MCC: variants seen among roughly 807,000 people sequenced by gnomAD.
MCC encodes colorectal mutant cancer protein.
A neutral mutation model predicts 116.2 loss-of-function variants in MCC; 90 were observed. That is an observed-to-expected ratio of 0.77 (90% confidence interval 0.65 to 0.92). The LOEUF is 0.92. Ranked by LOEUF, MCC falls within the 40% of genes least tolerant of loss-of-function variation. The pLI is 0.00. For missense variants in MCC, 1,516 were observed against 1,312.2 expected (o/e 1.16, Z -2.40); for synonymous variants, 578 against 510.5 (o/e 1.13, Z -1.78).
rs1750606280 is a variant in MCC at position 113,027,184 on chromosome 5, G to A, written c.*118C>T. The A allele has an allele frequency of 1.5e-5, 16 of 1,082,614 alleles. No homozygotes were observed. The highest frequency in any genetic ancestry group is 3.2e-5 in the South Asian group (2 of 62,620). 67.1% of individuals were successfully genotyped at this position (1,082,614 alleles called of 1,614,324 possible). Reference sequence around the variant, plus strand: ...TGGGGCACTCCATTGTCCAAGTGCCGACCTACCTGCCAGCCTTCCCTTTCC... The same window carrying A: ...TGGGGCACTCCATTGTCCAAGTGCCAACCTACCTGCCAGCCTTCCCTTTCC... On this transcript the variant is annotated 3_prime_UTR_variant, in exon 19 of 19. Coordinates refer to ENST00000408903, the MANE Select transcript of MCC (RefSeq NM_001085377.2).
At chr5:113,329,654 A>G (rs1206545201) in intron 3 of MCC, among the ~76,000 whole-genome samples, 2 of 152,148 alleles carry the variant, frequency 1.3e-5, no homozygotes, top group Non-Finnish European at 2.9e-5. Context: ...TAATAGATAC[A>G]ATTCTTTATT....
intron 8 of MCC, among the ~76,000 whole-genome samples, chr5:113,091,127 C>T (rs1420592871): frequency 2.0e-5 from 3 of 152,352 alleles, no homozygotes; most frequent in Non-Finnish European, 4.4e-5. Context: ...AATCCTGAGG[C>T]TGTGCAGCGG....
At chr5:113,415,262 G>A (rs540070700) in intron 1 of MCC, among the ~76,000 whole-genome samples, 55 of 152,130 alleles carry the variant, frequency 3.6e-4, no homozygotes, top group African/African-American at 1.2e-3. Context: ...TGCTTTTCTC[G>A]AGGAGTATCT....
intron 1 of MCC, among the ~76,000 whole-genome samples, chr5:113,389,215 A>G (rs1443543806): frequency 6.6e-6 from 1 of 152,182 alleles, no homozygotes; most frequent in Non-Finnish European, 1.5e-5. Flanking sequence ...GGGTATTTCC[A>G]TACGCCACCT....
intron 4 of MCC, among the ~76,000 whole-genome samples, chr5:113,150,892 T>C (rs1759820157): frequency 6.6e-6 from 1 of 152,064 alleles, no homozygotes; most frequent in South Asian, 2.1e-4. Flanking sequence ...CGAAACCCCA[T>C]CTCTACAGAA....
At chr5:113,145,769 CACACACACACACACAA>C (rs764239081) in intron 4 of MCC, among the ~76,000 whole-genome samples, 11,269 of 50,998 alleles carry the variant, frequency 0.22, 604 homozygotes, top group Middle Eastern at 0.29. Context: ...CACACACACA[CACACACACACACACAA>C]ACACACACAC....
intron 3 of MCC, among the ~76,000 whole-genome samples, chr5:113,154,699 T>C (rs1760075635): frequency 6.6e-6 from 1 of 152,200 alleles, no homozygotes; most frequent in South Asian, 2.1e-4. Flanking sequence ...ATTTGTGTAG[T>C]TGTGTGTTGG....
chr5:113,054,377 C>T (rs1056178001), intron 14 of MCC, among the ~76,000 whole-genome samples: 2 of 152,064 alleles, frequency 1.3e-5, no homozygotes. Context: ...ATTTTGAGGA[C>T]ATAGGTTAAA....
At chr5:113,371,804 G>T (rs1264248628) in intron 2 of MCC, among the ~76,000 whole-genome samples, 1 of 152,164 alleles carries the variant, frequency 6.6e-6, no homozygotes, top group Non-Finnish European at 1.5e-5. Flanking sequence ...GATAAAACAG[G>T]AAGCAAAATA....
chr5:113,380,466 CCT>C (rs1218039680), intron 2 of MCC, among the ~76,000 whole-genome samples: 1 of 152,130 alleles, frequency 6.6e-6, no homozygotes, highest in Non-Finnish European at 1.5e-5. Context: ...ACTGCACTTC[CCT>C]GTGTCCCTAA....
At chr5:113,049,349 AG>A in intron 15 of MCC, 50 bp from the exon 16 acceptor site, 2 of 1,454,652 alleles carry the variant, frequency 1.4e-6, no homozygotes, top group African/African-American at 1.4e-5. Context: ...ATCTGAGAGC[AG>A]GCCTGGCTGC....
chr5:113,360,377 A>T (rs1358590666), intron 2 of MCC, among the ~76,000 whole-genome samples: 1 of 152,176 alleles, frequency 6.6e-6, no homozygotes, highest in African/African-American at 2.4e-5. Flanking sequence ...TTGTTTATAT[A>T]TTACTGATTT....
At chr5:113,201,034 A>C (rs1245594981) in intron 3 of MCC, among the ~76,000 whole-genome samples, 1 of 152,172 alleles carries the variant, frequency 6.6e-6, no homozygotes, top group Non-Finnish European at 1.5e-5. Flanking sequence ...GGAACCCCTT[A>C]CACAGGGGGA....
At chr5:113,191,482 G>A (rs1762148089) in intron 3 of MCC, among the ~76,000 whole-genome samples, 4 of 152,202 alleles carry the variant, frequency 2.6e-5, no homozygotes, top group Admixed American at 1.3e-4. Flanking sequence ...GCACCTAGAA[G>A]CCTTCCTGCT....
At chr5:113,399,224 G>C (rs1426692921) in intron 1 of MCC, among the ~76,000 whole-genome samples, 1 of 152,180 alleles carries the variant, frequency 6.6e-6, no homozygotes, top group Non-Finnish European at 1.5e-5. Flanking sequence ...GGTGGCTCAC[G>C]CCTGTAATCC....
chr5:113,246,675 CTCA>C (rs1764589879), intron 3 of MCC, among the ~76,000 whole-genome samples: 1 of 152,206 alleles, frequency 6.6e-6, no homozygotes, highest in African/African-American at 2.4e-5. Context: ...TGAAAACTGT[CTCA>C]TCACTTTCTG....
chr5:113,479,537 A>AT (rs1772318634), intron 1 of MCC, among the ~76,000 whole-genome samples: 1 of 150,964 alleles, frequency 6.6e-6, no homozygotes, highest in South Asian at 2.1e-4. Flanking sequence ...GTGAATGTTC[A>AT]TAACGCCAAT....
At chr5:113,086,217 T>C (rs1755191964) in intron 8 of MCC, among the ~76,000 whole-genome samples, 1 of 152,098 alleles carries the variant, frequency 6.6e-6, no homozygotes, top group Non-Finnish European at 1.5e-5. Flanking sequence ...CCAGCTGAAG[T>C]CATCCAGAGA....
At chr5:113,032,625 G>T (rs572571380) in intron 17 of MCC, among the ~76,000 whole-genome samples, 23 of 152,242 alleles carry the variant, frequency 1.5e-4, no homozygotes, top group African/African-American at 4.6e-4. Flanking sequence ...TGCTGTCAGA[G>T]GCATGTGAAC....
Sources: gnomAD v4.1 joint callset for allele counts (sites outside exome capture counted in the v4.1 genomes callset) on GRCh38, gnomAD v4.1.1 for gene constraint, MANE v1.5 for transcripts, NCBI Gene and HGNC (gene_info 2026-07-23, HGNC 2026-07-21) for gene names.